Variants in KIAA0513 observed in about 807,000 individuals in gnomAD.
KIAA0513 encodes KIAA0513.
Under a neutral mutation model 56.5 loss-of-function variants are expected in KIAA0513, and 39 were observed. That is an observed-to-expected ratio of 0.69 (90% CI 0.53 to 0.90). KIAA0513 has a LOEUF of 0.90. Ranked by LOEUF, KIAA0513 falls within the 40% of genes least tolerant of loss-of-function variation. The pLI, the probability that KIAA0513 is intolerant of heterozygous loss-of-function variation, is 0.00. For missense variants in KIAA0513, 591 were observed against 535.2 expected (o/e 1.10, Z -1.03); for synonymous variants, 268 against 215.6 (o/e 1.24, Z -2.13).
At chr16:85,083,951 C>T (rs750943632) in intron 10 of KIAA0513, among the ~76,000 whole-genome samples, 1 of 152,290 alleles carries the variant, frequency 6.6e-6, no homozygotes, top group East Asian at 1.9e-4. Context: ...TCCCTCTCAG[C>T]AGGCTGTTGG....
At chr16:85,080,898 A>G (rs1175163217) in intron 8 of KIAA0513, among the ~76,000 whole-genome samples, 2 of 152,132 alleles carry the variant, frequency 1.3e-5, no homozygotes, top group East Asian at 3.9e-4. Flanking sequence ...GTTGCCATTG[A>G]TGTTACTAGA....
At chr16:85,057,440 C>G (rs1056453382) in intron 1 of KIAA0513, among the ~76,000 whole-genome samples, 19 of 152,324 alleles carry the variant, frequency 1.2e-4, no homozygotes, top group Non-Finnish European at 1.2e-4. Flanking sequence ...GACTCTGCAA[C>G]TGACCTTGCA....
chr16:85,082,751 G>A (rs1249620297), intron 10 of KIAA0513, among the ~76,000 whole-genome samples, 158 bp downstream of exon 10: 1 of 152,228 alleles, frequency 6.6e-6, no homozygotes, highest in Non-Finnish European at 1.5e-5. Context: ...CCCTGGGGAG[G>A]TGAGGCCAGC....
intron 4 of KIAA0513, 30 bp downstream of exon 4, chr16:85,073,028 T>C (rs2073601912): frequency 6.3e-7 from 1 of 1,588,470 alleles, no homozygotes. Flanking sequence ...AAAGCCTTTG[T>C]CCTGGCAAGC....
rs1483313745 is a variant in KIAA0513 at position 85,091,960 on chromosome 16, T to A, written c.*3635T>A. 5.7e-5 allele frequency: 7 copies of A among 122,836 alleles called. No individual in the cohort carries two copies. In the Admixed American group the frequency reaches 6.1e-4, roughly 11 times the overall value. The allele number at this position is 122,836 out of a possible 1,614,324, so 7.6% of individuals were successfully genotyped here. On this transcript the variant is annotated 3_prime_UTR_variant, in exon 13 of 13. Coordinates refer to ENST00000683363, the MANE Select transcript of KIAA0513 (RefSeq NM_001388359.1). ...GGCATTTTTTTTTTTTTTTTTTTTT[T>A]AGACGGAGTTTTGCTCTTGTTGCCC...
chr16:85,074,308 A>T (rs2073623496), intron 4 of KIAA0513, among the ~76,000 whole-genome samples: 2 of 149,584 alleles, frequency 1.3e-5, no homozygotes, highest in Non-Finnish European at 3.0e-5. Flanking sequence ...ATATATACAC[A>T]CATACACACA....
At chr16:85,053,721 G>A (rs545974507) in intron 1 of KIAA0513, among the ~76,000 whole-genome samples, 2 of 152,032 alleles carry the variant, frequency 1.3e-5, no homozygotes, top group East Asian at 1.9e-4. Flanking sequence ...GGCCAGGCGC[G>A]GTGGCTCACG....
At chr16:85,048,863 A>C (rs1045923679) in intron 1 of KIAA0513, among the ~76,000 whole-genome samples, 1 of 152,188 alleles carries the variant, frequency 6.6e-6, no homozygotes, top group Non-Finnish European at 1.5e-5. Context: ...ACACAATAAC[A>C]ATCTTCCGAT....
chr16:85,088,178 G>T, intron 12 of KIAA0513, 98 bp from the exon 13 acceptor site: 1 of 1,106,498 alleles, frequency 9.0e-7, no homozygotes, highest in South Asian at 1.3e-5. Flanking sequence ...CCTGCTCCCA[G>T]GGAGGCCCGA....
chr16:85,056,148 A>G (rs1052027314), intron 1 of KIAA0513, among the ~76,000 whole-genome samples: 1 of 152,238 alleles, frequency 6.6e-6, no homozygotes, highest in Non-Finnish European at 1.5e-5. Context: ...AACTCAGGAT[A>G]GCTGGGGGTT....
At chr16:85,047,853 T>G (rs958648621) in intron 1 of KIAA0513, among the ~76,000 whole-genome samples, 3 of 152,158 alleles carry the variant, frequency 2.0e-5, no homozygotes, top group Non-Finnish European at 4.4e-5. Flanking sequence ...CACCGCAACC[T>G]TGGTGGCACT....
intron 1 of KIAA0513, among the ~76,000 whole-genome samples, chr16:85,054,901 C>T (rs979723209): frequency 1.3e-5 from 2 of 152,120 alleles, no homozygotes; most frequent in South Asian, 2.1e-4. Context: ...TGAACGGCAT[C>T]GTTATGATTT....
intron 1 of KIAA0513, among the ~76,000 whole-genome samples, chr16:85,046,618 G>A (rs1299672819): frequency 6.6e-6 from 1 of 152,228 alleles, no homozygotes; most frequent in Non-Finnish European, 1.5e-5. Flanking sequence ...GATACACACT[G>A]AGAGGGAACC....
chr16:85,028,174 T>G (rs986651308), intron 1 of KIAA0513, among the ~76,000 whole-genome samples: 1 of 152,120 alleles, frequency 6.6e-6, no homozygotes. Context: ...GGCCGCTGCC[T>G]GGAGGAGGCG....
chr16:85,051,175 C>T (rs1454599102), intron 1 of KIAA0513, among the ~76,000 whole-genome samples: 4 of 152,058 alleles, frequency 2.6e-5, no homozygotes, highest in Non-Finnish European at 5.9e-5. Flanking sequence ...AAAGAAAGGA[C>T]CCAGTTGAAG....
chr16:85,075,762 A>C, intron 4 of KIAA0513, 82 bp from the exon 5 acceptor site: 3 of 1,174,568 alleles, frequency 2.6e-6, no homozygotes, highest in South Asian at 2.5e-5. Context: ...GCATGTGTCA[A>C]GTGTCTCAGT....
intron 2 of KIAA0513, among the ~76,000 whole-genome samples, chr16:85,070,929 G>A (rs971968844): frequency 4.6e-5 from 7 of 152,270 alleles, no homozygotes; most frequent in Non-Finnish European, 7.4e-5. Flanking sequence ...CTTCACAAGC[G>A]TTCCAGAAAT....
At position 85,078,909 on chromosome 16, in the gene KIAA0513, C is replaced by G; in HGVS notation, c.824-16C>G. The G allele has an allele frequency of 6.2e-7, 1 of 1,614,036 alleles. No individual in the cohort carries two copies. ...GCAACCAGAGCTGCTTTCAGCCATTCTCTCTCCTCCCACAGTGACCGCGTA... is the reference window on the plus strand; with the variant it reads ...GCAACCAGAGCTGCTTTCAGCCATTGTCTCTCCTCCCACAGTGACCGCGTA... On this transcript the variant is annotated splice_polypyrimidine_tract_variant and intron_variant, in intron 7 of 12. Transcript: ENST00000683363.
intron 4 of KIAA0513, among the ~76,000 whole-genome samples, chr16:85,075,018 C>T (rs1182937751): frequency 6.6e-6 from 1 of 150,964 alleles, no homozygotes; most frequent in Non-Finnish European, 1.5e-5. Context: ...GGTCCCTGAG[C>T]ATATATATGT....
Sources: gnomAD v4.1 joint callset for allele counts (sites outside exome capture counted in the v4.1 genomes callset) on GRCh38, gnomAD v4.1.1 for gene constraint, MANE v1.5 for transcripts, NCBI Gene and HGNC (gene_info 2026-07-23, HGNC 2026-07-21) for gene names.